The following APLF variants were observed in gnomAD, a reference collection of about 807,000 sequenced individuals.
APLF encodes aprataxin and PNKP like factor.
A neutral mutation model predicts 55.6 loss-of-function variants in APLF; 61 were observed. The observed-to-expected ratio is 1.10, with a 90% CI of 0.89 to 1.36. The LOEUF (loss-of-function observed/expected upper bound fraction) is 1.36. APLF is among the 40% of genes most tolerant of loss of function. APLF has a pLI of 0.00. For synonymous variants in APLF, 207 were observed against 214.8 expected, an observed-to-expected ratio of 0.96 and a Z score of 0.32; for missense variants, 611 against 602.5, an observed-to-expected ratio of 1.01 and a Z score of -0.15.
intron 9 of APLF, among the ~76,000 whole-genome samples, chr2:68,576,635 G>A (rs1455160967): frequency 6.6e-6 from 1 of 151,976 alleles, no homozygotes; most frequent in Non-Finnish European, 1.5e-5. Flanking sequence ...ATCCTTTCTG[G>A]AATGCGTACT....
intron 1 of APLF, among the ~76,000 whole-genome samples, chr2:68,485,809 CTT>C (rs1189243777): frequency 0.015 from 1,982 of 129,150 alleles, 34 homozygotes; most frequent in African/African-American, 0.057. Flanking sequence ...TTTATTATCT[CTT>C]TTTTTTTTTT....
At chr2:68,561,986 A>G (rs1225901895) in intron 8 of APLF, among the ~76,000 whole-genome samples, 1 of 152,086 alleles carries the variant, frequency 6.6e-6, no homozygotes, top group Non-Finnish European at 1.5e-5. Flanking sequence ...GATGGAATCC[A>G]TGTAAGTGTC....
chr2:68,537,671 A>G (rs1670432661), intron 6 of APLF, among the ~76,000 whole-genome samples: 1 of 152,142 alleles, frequency 6.6e-6, no homozygotes, highest in Non-Finnish European at 1.5e-5. Flanking sequence ...TGCCTGGCCA[A>G]ATTTCTTTTC....
At chr2:68,537,782 T>G (rs1225247009) in intron 6 of APLF, 90 bp from the exon 7 acceptor site, 14 of 920,892 alleles carry the variant, frequency 1.5e-5, no homozygotes, top group Non-Finnish European at 2.2e-5. Flanking sequence ...GTTTACATTT[T>G]GCATGGATCT....
chr2:68,518,316 A>T (rs1190983379), intron 5 of APLF, among the ~76,000 whole-genome samples: 7 of 112,936 alleles, frequency 6.2e-5, no homozygotes, highest in East Asian at 2.5e-4. Context: ...ATATTATTTA[A>T]TAATATATAA....
In APLF at chr2:68,578,489, G is replaced by C. The variant is rs1671681111; in HGVS notation, c.*467G>C. Reference sequence around the variant, plus strand: ...TTAAAAAATGCAGCCATTACATAATGGCGTTTTTTTTCTAGTACCTTAGAT... The same window carrying C: ...TTAAAAAATGCAGCCATTACATAATCGCGTTTTTTTTCTAGTACCTTAGAT... On this transcript the variant is annotated 3_prime_UTR_variant, in exon 10 of 10. Transcript: ENST00000303795. The C allele has an allele frequency of 2.0e-6, 2 of 986,938 alleles. No individual in the cohort carries two copies. Among genetic ancestry groups the C allele is most frequent in the African/African-American group, 1.7e-5 (1 of 57,320 alleles). 61.1% of individuals were successfully genotyped at this position (986,938 alleles called of 1,614,324 possible).
chr2:68,498,381 T>C (rs1676622892), intron 2 of APLF, among the ~76,000 whole-genome samples: 1 of 152,250 alleles, frequency 6.6e-6, no homozygotes, highest in African/African-American at 2.4e-5. Flanking sequence ...TTAAATGGTT[T>C]TCTGCTTTTC....
At chr2:68,503,033 CGCATGTGTGTGTGCATGCCTTT>C (rs960649106) in intron 3 of APLF, 130 bp downstream of exon 3, 10 of 917,770 alleles carry the variant, frequency 1.1e-5, no homozygotes, top group South Asian at 8.8e-5. Context: ...TGTGTGTGTA[CGCATGTGTGTGTGCATGCCTTT>C]GCATGTGTGT....
At chr2:68,540,653 C>T (rs368658308) in intron 7 of APLF, among the ~76,000 whole-genome samples, 8 of 152,244 alleles carry the variant, frequency 5.3e-5, no homozygotes, top group African/African-American at 1.9e-4. Context: ...CCTATTTCTC[C>T]ACATCCTCTC....
intron 3 of APLF, among the ~76,000 whole-genome samples, chr2:68,509,221 G>A (rs1676968126): frequency 6.6e-6 from 1 of 152,058 alleles, no homozygotes; most frequent in Admixed American, 6.6e-5. Context: ...ATTGACAAAT[G>A]GGATCTCATT....
chr2:68,579,874 C>A lies in APLF; in HGVS notation c.*1852C>A. ...TAAGATTAGATGGCAGTGATGGTTGCACAACTCTGTAAATATATTACAAAC... is the reference window on the plus strand; with the variant it reads ...TAAGATTAGATGGCAGTGATGGTTGAACAACTCTGTAAATATATTACAAAC... On this transcript the variant is annotated 3_prime_UTR_variant, in exon 10 of 10. Transcript: ENST00000303795. The A allele has an allele frequency of 2.9e-6, 1 of 339,944 alleles. No individual in the cohort carries two copies. The highest frequency in any genetic ancestry group is 4.2e-6 in the Non-Finnish European group (1 of 240,032). The allele number at this position is 339,944 out of a possible 1,614,324, so 21.1% of individuals were successfully genotyped here. A position where few individuals can be genotyped will look rare whatever the true frequency, so the allele number is the denominator to read the frequency against.
chr2:68,486,589 C>T (rs1676181731), intron 1 of APLF, among the ~76,000 whole-genome samples: 1 of 152,090 alleles, frequency 6.6e-6, no homozygotes, highest in Non-Finnish European at 1.5e-5. Context: ...GGTTCTGGGG[C>T]TTGATCTTCT....
At chr2:68,479,270 ATTG>A (rs1367046119) in intron 1 of APLF, among the ~76,000 whole-genome samples, 7 of 152,214 alleles carry the variant, frequency 4.6e-5, no homozygotes, top group Non-Finnish European at 7.3e-5. Context: ...TGAAGACACC[ATTG>A]TTGTTATGGA....
chr2:68,530,408 A>G (rs1172711598), intron 6 of APLF, among the ~76,000 whole-genome samples: 1 of 152,138 alleles, frequency 6.6e-6, no homozygotes, highest in African/African-American at 2.4e-5. Flanking sequence ...TCAGCACAGC[A>G]CCATCCCACA....
intron 7 of APLF, among the ~76,000 whole-genome samples, chr2:68,544,729 C>T (rs115342569): frequency 6.6e-5 from 10 of 151,980 alleles, no homozygotes; most frequent in Non-Finnish European, 1.5e-4. Flanking sequence ...GTTACCTTTG[C>T]GTAGTAAATG....
chr2:68,515,688 C>T, intron 5 of APLF: 2 of 983,376 alleles, frequency 2.0e-6, no homozygotes, highest in Non-Finnish European at 2.4e-6. Context: ...GTACAATGTA[C>T]TTAAAATGCT....
At chr2:68,577,100 A>G (rs1236669641) in intron 9 of APLF, among the ~76,000 whole-genome samples, 1 of 152,200 alleles carries the variant, frequency 6.6e-6, no homozygotes, top group Admixed American at 6.6e-5. Flanking sequence ...TCTTACTGAA[A>G]CATGAACTGT....
intron 5 of APLF, among the ~76,000 whole-genome samples, chr2:68,522,917 AT>A (rs1669935525): frequency 6.6e-6 from 1 of 151,952 alleles, no homozygotes; most frequent in Non-Finnish European, 1.5e-5. Flanking sequence ...TATGGGAAAA[AT>A]ATTTTGATTA....
chr2:68,502,098 C>T (rs983118740), intron 2 of APLF, among the ~76,000 whole-genome samples: 7 of 152,058 alleles, frequency 4.6e-5, no homozygotes, highest in Non-Finnish European at 8.8e-5. Flanking sequence ...CAAAGTTGCT[C>T]CCGAGATAAT....
Sources: allele counts gnomAD v4.1 joint callset (sites outside exome capture counted in the v4.1 genomes callset), GRCh38; gene constraint gnomAD v4.1.1; transcripts MANE v1.5; gene names NCBI Gene and HGNC (gene_info 2026-07-23, HGNC 2026-07-21).